PRRC2C: variants seen among roughly 807,000 people sequenced by gnomAD.
PRRC2C encodes the protein proline rich coiled-coil 2C.
A neutral mutation model predicts 317.2 loss-of-function variants in PRRC2C; 72 were observed. That is an observed-to-expected ratio of 0.23 (90% confidence interval 0.19 to 0.28). PRRC2C has a LOEUF of 0.28. PRRC2C is among the 10% of genes least tolerant of loss of function. The pLI, the probability that PRRC2C is intolerant of heterozygous loss-of-function variation, is 1.00. For synonymous variants in PRRC2C, 1,296 were observed against 1,205.9 expected (o/e 1.07, Z -1.55); for missense variants, 3,074 against 3,459.7 (o/e 0.89, Z 2.80).
intron 1 of PRRC2C, among the ~76,000 whole-genome samples, chr1:171,503,384 C>T (rs1021756725): frequency 7.9e-5 from 12 of 151,940 alleles, no homozygotes; most frequent in African/African-American, 2.4e-4. Context: ...ATTAGCTGGG[C>T]GTGGTGGCAC....
intron 22 of PRRC2C, 133 bp from the exon 23 acceptor site, chr1:171,568,114 G>A (rs1684020085): frequency 7.8e-7 from 1 of 1,276,326 alleles, no homozygotes; most frequent in East Asian, 2.9e-5. Flanking sequence ...GAGCCTGGAA[G>A]GCAGAGGTTG....
chr1:171,533,965 C>T (rs2102437111), intron 12 of PRRC2C, among the ~76,000 whole-genome samples: 1 of 152,228 alleles, frequency 6.6e-6, no homozygotes, highest in East Asian at 1.9e-4. Flanking sequence ...AATAGAAATG[C>T]AGTTTTATTT....
In PRRC2C at chr1:171,527,829, G is replaced by A. The variant is rs149832094; in HGVS notation, c.1239G>A (p.Lys413=). ...GTSSHLPPPP[K]LLAQQHPPPD... ...CTTCACATCTGCCACCACCTCCAAA[G>A]TTGCTTGCACAGCAGGTAAATTTTA... Residue 413 remains lysine (K), a synonymous_variant, in exon 11 of 35, where the codon AAG becomes AAA. Coordinates refer to ENST00000647382, the MANE Select transcript of PRRC2C (RefSeq NM_001387844.1). 9.1e-4 allele frequency: 1,437 copies of A among 1,583,000 alleles called. 15 individuals carry two copies. The African/African-American group carries it at 0.014, about 16-fold the overall frequency.
chr1:171,548,941 TC>T (rs975298009), intron 17 of PRRC2C, among the ~76,000 whole-genome samples: 2 of 152,092 alleles, frequency 1.3e-5, no homozygotes, highest in African/African-American at 4.8e-5. Flanking sequence ...AGTCTCAACC[TC>T]CCCAACTGAA....
intron 1 of PRRC2C, among the ~76,000 whole-genome samples, chr1:171,493,394 G>A (rs1486032536): frequency 6.6e-6 from 1 of 152,196 alleles, no homozygotes; most frequent in Non-Finnish European, 1.5e-5. Flanking sequence ...TAGCTCCTCA[G>A]AAGGGTGAGG....
rs569487499 is a variant in PRRC2C at position 171,540,047 on chromosome 1, A to G, written c.2581A>G (p.Lys861Glu). The G allele has an allele frequency of 3.1e-5, 50 of 1,613,990 alleles. No homozygotes were observed. The South Asian group carries it at 4.9e-4, about 16-fold the overall frequency. Residue 861 changes from lysine to glutamate, a missense_variant, in exon 16 of 35, where the codon AAG (lysine) becomes GAG (glutamate). By Grantham distance (56) the Lys-to-Glu change is moderately conservative (BLOSUM62 1). Coordinates refer to ENST00000647382, the MANE Select transcript of PRRC2C (RefSeq NM_001387844.1). Reference protein sequence around the residue: ...VEHNQLEAHPKADFIRESSEA... With the variant: ...VEHNQLEAHPEADFIRESSEA... ...ACATAATCAATTAGAGGCTCACCCAAAGGCAGACTTTATCAGAGAATCAAG... is the reference window on the plus strand; with the variant it reads ...ACATAATCAATTAGAGGCTCACCCAGAGGCAGACTTTATCAGAGAATCAAG...
Position 171,557,270 on chromosome 1 carries a change from GGAA to G in PRRC2C, c.5163_5165del (p.Arg1721del). 1 of 1,547,674 alleles carries G rather than the reference GGAA, an allele frequency of 6.5e-7. No homozygotes were observed. The highest frequency in any genetic ancestry group is 8.7e-7 in the Non-Finnish European group (1 of 1,145,776). On this transcript the variant is annotated inframe_deletion, in exon 19 of 35. Transcript: ENST00000647382. The stretch of plus-strand genomic sequence containing the variant: ...GAACAAAAAGAATGCAAATGAAAAA[GGAA>G]GAAGCCAGACTTCTAAGCTTCCTCC...
At chr1:171,508,495 G>T (rs1375127631) in intron 1 of PRRC2C, among the ~76,000 whole-genome samples, 1 of 152,152 alleles carries the variant, frequency 6.6e-6, no homozygotes, top group Non-Finnish European at 1.5e-5. Context: ...ATCAAACTTG[G>T]TTTAATGTGT....
intron 28 of PRRC2C, 31 bp from the exon 29 acceptor site, chr1:171,583,925 T>C: frequency 6.4e-7 from 1 of 1,558,346 alleles, no homozygotes; most frequent in Non-Finnish European, 8.8e-7. Context: ...AATTAACTTC[T>C]AACAATATTT....
chr1:171,526,134 CAT>C (rs1398662280), intron 10 of PRRC2C, among the ~76,000 whole-genome samples: 183 of 152,222 alleles, frequency 1.2e-3, no homozygotes, highest in Non-Finnish European at 1.3e-4. Context: ...TTGTGACAGT[CAT>C]GTGACAGTTT....
chr1:171,591,732 T>A lies in PRRC2C; in HGVS notation c.8582T>A (p.Val2861Asp), dbSNP rs1197466001. The change falls in exon 35 of 35, where the codon GTC (valine) becomes GAC (aspartate). Residue 2861 changes from valine to aspartate, a missense_variant. By Grantham distance (152) the Val-to-Asp change is radical. Around this residue, in one of 11 missense-constraint regions of PRRC2C, gnomAD observed 78 missense variants for 97.7 expected, o/e 0.80. Coordinates refer to ENST00000647382, the MANE Select transcript of PRRC2C (RefSeq NM_001387844.1). Reference sequence around the variant, plus strand: ...GAAACACTGACCGACCCTCCTGGGGTCTGTCAGGAAAAAGTAGAAGAAAAG... The same window carrying A: ...GAAACACTGACCGACCCTCCTGGGGACTGTCAGGAAAAAGTAGAAGAAAAG... Reference protein sequence around the residue: ...PPETLTDPPGVCQEKVEEKPP... With the variant: ...PPETLTDPPGDCQEKVEEKPP... 7 of 1,613,608 alleles carry A rather than the reference T, an allele frequency of 4.3e-6. No individual in the cohort carries two copies. The highest frequency in any genetic ancestry group is 1.3e-5 in the African/African-American group (1 of 74,878).
chr1:171,516,668 T>C (rs940917615), intron 5 of PRRC2C, among the ~76,000 whole-genome samples: 4 of 152,208 alleles, frequency 2.6e-5, no homozygotes, highest in African/African-American at 9.6e-5. Context: ...GATATCCCAC[T>C]GTATCTGAAG....
At chr1:171,502,635 A>T (rs1669342270) in intron 1 of PRRC2C, among the ~76,000 whole-genome samples, 1 of 152,202 alleles carries the variant, frequency 6.6e-6, no homozygotes, top group South Asian at 2.1e-4. Context: ...AAACACCAAA[A>T]AAGGCTTGTT....
At chr1:171,499,595 G>A (rs1668726011) in intron 1 of PRRC2C, among the ~76,000 whole-genome samples, 1 of 152,126 alleles carries the variant, frequency 6.6e-6, no homozygotes, top group Non-Finnish European at 1.5e-5. Context: ...CTTGAGGTCG[G>A]GAGTTCGAGA....
chr1:171,514,252 GTGTGTGTGTA>G (rs913114308), intron 3 of PRRC2C, among the ~76,000 whole-genome samples: 4 of 127,508 alleles, frequency 3.1e-5, no homozygotes, highest in African/African-American at 1.4e-4. Flanking sequence ...TTAATTAAAA[GTGTGTGTGTA>G]TGTGTGTGTG....
intron 20 of PRRC2C, among the ~76,000 whole-genome samples, chr1:171,563,188 C>G (rs527526451): frequency 1.3e-5 from 2 of 152,246 alleles, no homozygotes; most frequent in Middle Eastern, 6.8e-3. Context: ...CTCTCCACAT[C>G]TGTAGAGATT....
At position 171,535,370 on chromosome 1, in the gene PRRC2C, CTG is replaced by C. The variant is rs1216865795; in HGVS notation, c.1874-54_1874-53del. On this transcript the variant is annotated intron_variant, in intron 12 of 34. Coordinates refer to ENST00000647382, the MANE Select transcript of PRRC2C (RefSeq NM_001387844.1). ...TTATACCTCAGTCTTTGTAAAAATC[CTG>C]TGTTTGATAAGTGTCATAGATGAAT... 4.8e-6 allele frequency: 7 copies of C among 1,458,910 alleles called. No homozygotes were observed. In the Admixed American group the frequency reaches 1.4e-4, roughly 29 times the overall value. 90.4% of individuals were successfully genotyped at this position (1,458,910 alleles called of 1,614,324 possible).
chr1:171,576,964 A>G (rs1278102731), intron 25 of PRRC2C, among the ~76,000 whole-genome samples: 1 of 152,202 alleles, frequency 6.6e-6, no homozygotes, highest in Non-Finnish European at 1.5e-5. Context: ...TCCAGCCTTA[A>G]GTTTATGTGA....
In PRRC2C at chr1:171,587,767, AAATTTGCTTATGAAATTCC is replaced by A; in HGVS notation, c.8072+23_8072+41del. 6.4e-7 allele frequency: 1 copy of A among 1,563,072 alleles called. No homozygotes were observed. Among genetic ancestry groups the A allele is most frequent in the Non-Finnish European group, 8.8e-7 (1 of 1,135,386 alleles). On this transcript the variant is annotated intron_variant, in intron 32 of 34. Transcript: ENST00000647382. ...GTCCCTTCCGGTAAAATGGGCATTT[AAATTTGCTTATGAAATTCC>A]AATTTGGTCACTATTTGTTAAATAC... is the stretch of plus-strand genomic sequence containing the variant.
Sources: gnomAD v4.1 joint callset for allele counts (sites outside exome capture counted in the v4.1 genomes callset) on GRCh38, gnomAD v4.1.1 for gene constraint, gnomAD v4.1.1 regional missense constraint, MANE v1.5 for transcripts, NCBI Gene and HGNC (gene_info 2026-07-23, HGNC 2026-07-21) for gene names.